Variants in UBAP2 observed in about 807,000 individuals in gnomAD.
UBAP2 encodes ubiquitin-associated protein 2.
Under a neutral mutation model 139.6 loss-of-function variants are expected in UBAP2, and 75 were observed. The ratio of observed to expected loss-of-function variants is 0.54; its 90% CI spans 0.45 to 0.65. The LOEUF is 0.65. UBAP2 is among the 30% of genes least tolerant of loss of function. The probability of loss-of-function intolerance (pLI) is 0.00; values close to 1 mark genes in which losing one functional copy is unlikely to be tolerated. For missense variants in UBAP2, 1,368 were observed against 1,369.6 expected, an observed-to-expected ratio of 1.00 and a Z score of 0.02; for synonymous variants, 526 against 526.2, an observed-to-expected ratio of 1.00 and a Z score of 0.01.
In UBAP2 at chr9:33,946,648, C is replaced by T. The variant is rs1825675419; in HGVS notation, c.1270+1726G>A. Among the ~76,000 whole-genome samples the T allele has an allele frequency of 1.3e-5, 2 of 152,116 alleles. 1 individual carries two copies. The highest frequency in any genetic ancestry group is 2.9e-5 in the Non-Finnish European group (2 of 68,026). The stretch of plus-strand genomic sequence containing the variant: ...GCTCAAGCAATCCTCCTCCTTCTGC[C>T]TCCCCAAGTGCTGGGATTACATGAG... On this transcript the variant is annotated intron_variant, in intron 13 of 28. Coordinates refer to ENST00000379238, the MANE Select transcript of UBAP2 (RefSeq NM_001370062.2).
intron 17 of UBAP2, among the ~76,000 whole-genome samples, chr9:33,934,590 CCTAAAA>C (rs1443983214): frequency 1.3e-5 from 2 of 152,126 alleles, no homozygotes; most frequent in Non-Finnish European, 2.9e-5. Context: ...ATACACCTCA[CCTAAAA>C]CTAAGACCCC....
intron 16 of UBAP2, among the ~76,000 whole-genome samples, chr9:33,941,224 T>C (rs1825171893): frequency 6.6e-6 from 1 of 152,252 alleles, no homozygotes; most frequent in Admixed American, 6.5e-5. Flanking sequence ...CCTTTATCTA[T>C]AGTCCAGTAT....
intron 6 of UBAP2, among the ~76,000 whole-genome samples, chr9:33,978,280 T>C (rs1820329811): frequency 2.0e-5 from 3 of 151,796 alleles, no homozygotes; most frequent in Non-Finnish European, 4.4e-5. Flanking sequence ...ATGTCTGTAA[T>C]CCCAGCACCT....
At chr9:33,947,295 T>G (rs961228492) in intron 13 of UBAP2, among the ~76,000 whole-genome samples, 4 of 152,142 alleles carry the variant, frequency 2.6e-5, no homozygotes, top group Admixed American at 6.5e-5. Context: ...CCAGCCCACA[T>G]GGCCAGCTCC....
chr9:34,036,947 G>A (rs999629734), intron 1 of UBAP2, among the ~76,000 whole-genome samples: 1 of 148,108 alleles, frequency 6.8e-6, no homozygotes, highest in African/African-American at 2.5e-5. Context: ...CTCCCAAGTA[G>A]GTGGGACTAT....
rs1825842699 is a variant in UBAP2, at chr9:33,948,606, A to G, written c.1057-19T>C. On this transcript the variant is annotated intron_variant, in intron 12 of 28. Coordinates refer to ENST00000379238, the MANE Select transcript of UBAP2 (RefSeq NM_001370062.2). ...CGGATGACTTTAAAAGGGGGATAAAAGAACAAATCCTCAACAATACAGAAT... is the reference window on the plus strand; with the variant it reads ...CGGATGACTTTAAAAGGGGGATAAAGGAACAAATCCTCAACAATACAGAAT... 1.2e-6 allele frequency: 2 copies of G among 1,608,836 alleles called. No individual in the cohort carries two copies. The highest frequency in any genetic ancestry group is 1.7e-6 in the Non-Finnish European group (2 of 1,175,532).
rs147185317 is a variant in UBAP2 at position 34,004,741 on chromosome 9, G to A, written c.100-5877C>T. On this transcript the variant is annotated intron_variant, in intron 2 of 28. Transcript: ENST00000379238. ...GGAGCTTGCAGTGAGCCGAGATAGC[G>A]CCACTGCACTCCAGCCTGGGCAAAA... Among the ~76,000 whole-genome samples, 705 of 151,190 alleles carry A rather than the reference G, an allele frequency of 4.7e-3. 4 individuals carry two copies. The highest frequency in any genetic ancestry group is 0.01 in the Middle Eastern group (3 of 292).
intron 1 of UBAP2, among the ~76,000 whole-genome samples, chr9:34,022,294 C>T (rs549732723): frequency 4.1e-4 from 62 of 152,094 alleles, no homozygotes; most frequent in African/African-American, 1.5e-3. Context: ...CTCTGCAATT[C>T]CATCTTAAGT....
intron 1 of UBAP2, among the ~76,000 whole-genome samples, chr9:34,019,278 C>A (rs1447312911): frequency 6.6e-6 from 1 of 152,104 alleles, no homozygotes; most frequent in Non-Finnish European, 1.5e-5. Context: ...TGGCACACAC[C>A]TGTAATCCCA....
intron 3 of UBAP2, chr9:33,996,977 A>T (rs1382223618): frequency 6.6e-6 from 1 of 152,312 alleles, no homozygotes; most frequent in African/African-American, 2.4e-5. Context: ...AGGTTGCAAT[A>T]AGCCATGATT....
chr9:33,950,249 T>A (rs940183870), intron 12 of UBAP2, among the ~76,000 whole-genome samples: 1 of 152,006 alleles, frequency 6.6e-6, no homozygotes, highest in African/African-American at 2.4e-5. Flanking sequence ...GTTGTTGTAT[T>A]TTTAGTAGAG....
intron 1 of UBAP2, among the ~76,000 whole-genome samples, chr9:34,045,187 A>C (rs949649759): frequency 8.6e-5 from 13 of 151,988 alleles, no homozygotes; most frequent in African/African-American, 3.1e-4. Flanking sequence ...TCTAATAAAA[A>C]TACAAAAAAT....
At chr9:34,009,974 A>G (rs1480156853) in intron 2 of UBAP2, among the ~76,000 whole-genome samples, 1 of 150,980 alleles carries the variant, frequency 6.6e-6, no homozygotes, top group Non-Finnish European at 1.5e-5. Context: ...TGCTTGGCTA[A>G]TTCTGTATGT....
At chr9:33,978,784 A>AAAAG (rs1056711510) in intron 6 of UBAP2, among the ~76,000 whole-genome samples, 2 of 152,236 alleles carry the variant, frequency 1.3e-5, no homozygotes, top group Non-Finnish European at 2.9e-5. Context: ...CGTCTCAAAA[A>AAAAG]AAAGAAAGAA....
At chr9:34,001,947 G>A (rs1822741385) in intron 2 of UBAP2, among the ~76,000 whole-genome samples, 1 of 151,152 alleles carries the variant, frequency 6.6e-6, no homozygotes. Flanking sequence ...TATGTATTTG[G>A]TATTTATATT....
At position 33,943,813 on chromosome 9, in the gene UBAP2, TC is replaced by T. The variant is rs1258501189; in HGVS notation, c.1546-225del. Reference sequence around the variant, plus strand: ...TGGGCATGGTGGCTCATGCCTGTAATCCCAGGACTTTGGGAGGCCAAGACAG... The same window carrying T: ...TGGGCATGGTGGCTCATGCCTGTAATCCAGGACTTTGGGAGGCCAAGACAG... On this transcript the variant is annotated intron_variant, in intron 14 of 28. Coordinates refer to ENST00000379238, the MANE Select transcript of UBAP2 (RefSeq NM_001370062.2). 2.0e-5 allele frequency among the ~76,000 whole-genome samples: 3 copies of T among 151,970 alleles called. No homozygotes were observed. In the East Asian group the frequency reaches 5.8e-4, roughly 29 times the overall value.
intron 13 of UBAP2, among the ~76,000 whole-genome samples, chr9:33,947,774 G>C (rs1401499217): frequency 1.3e-5 from 2 of 151,090 alleles, no homozygotes; most frequent in Non-Finnish European, 2.9e-5. Flanking sequence ...GCAGTGACGC[G>C]TTACTGTGCC....
chr9:34,023,441 C>T (rs1825133797), intron 1 of UBAP2, among the ~76,000 whole-genome samples: 2 of 152,170 alleles, frequency 1.3e-5, no homozygotes, highest in Admixed American at 6.6e-5. Flanking sequence ...TGAATCCTCA[C>T]TTGTCAAGGA....
At chr9:33,953,533 TGTG>T in intron 11 of UBAP2, 59 bp from the exon 12 acceptor site, 1 of 1,506,692 alleles carries the variant, frequency 6.6e-7, no homozygotes. Flanking sequence ...AACAAATGAA[TGTG>T]AGAAGTCAAT....
Sources: allele counts gnomAD v4.1 joint callset (sites outside exome capture counted in the v4.1 genomes callset), GRCh38; gene constraint gnomAD v4.1.1; transcripts MANE v1.5; gene names NCBI Gene and HGNC (gene_info 2026-07-23, HGNC 2026-07-21).